Variants in LRRC4C observed in about 807,000 individuals in gnomAD.
LRRC4C encodes the protein leucine-rich repeat-containing protein 4C.
LRRC4C carries 5 observed loss-of-function variants against 33.6 expected under a neutral mutation model. That is an observed-to-expected ratio of 0.15 (90% CI 0.08 to 0.31). LRRC4C has a LOEUF of 0.31. LRRC4C is among the 10% of genes least tolerant of loss of function. The pLI is 1.00. For synonymous variants in LRRC4C, 329 were observed against 302.0 expected, an observed-to-expected ratio of 1.09 and a Z score of -0.93; for missense variants, 560 against 796.7, an observed-to-expected ratio of 0.70 and a Z score of 3.58.
At chr11:40,795,280 G>A (rs778077987) in intron 2 of LRRC4C, among the ~76,000 whole-genome samples, 5 of 152,198 alleles carry the variant, frequency 3.3e-5, no homozygotes, top group African/African-American at 9.6e-5. Flanking sequence ...TGTAATCCTA[G>A]CACTTTGGGA....
rs78129295 is a variant in LRRC4C at position 40,979,109 on chromosome 11, A to G, written c.-495-45386T>C. 5.2e-4 allele frequency among the ~76,000 whole-genome samples: 79 copies of G among 152,246 alleles called. No individual in the cohort carries two copies. In the East Asian group the frequency reaches 0.015, roughly 29 times the overall value. On this transcript the variant is annotated intron_variant, in intron 1 of 6. Coordinates refer to ENST00000528697, the MANE Select transcript of LRRC4C (RefSeq NM_001258419.2). ...CAACTATCCCTCAATCTTACTTCTT[A>G]GCTTAGTAACTTAGAAAAGCTTTTC...
intron 1 of LRRC4C, among the ~76,000 whole-genome samples, chr11:41,172,735 A>T (rs184222571): frequency 6.6e-6 from 1 of 152,306 alleles, no homozygotes; most frequent in Admixed American, 6.5e-5. Context: ...TATTCCTTGC[A>T]CTTAACACAA....
intron 1 of LRRC4C, among the ~76,000 whole-genome samples, chr11:40,949,473 C>T (rs1353828037): frequency 3.9e-5 from 6 of 152,006 alleles, no homozygotes; most frequent in African/African-American, 1.4e-4. Context: ...AGAGAAAGGT[C>T]AGGTTACCCA....
chr11:40,528,625 A>G lies in LRRC4C; in HGVS notation c.-270+119517T>C, dbSNP rs545709178. Among the ~76,000 whole-genome samples, 8 of 152,292 alleles carry G rather than the reference A, an allele frequency of 5.3e-5. No homozygotes were observed. The East Asian group carries it at 9.6e-4, about 18-fold the overall frequency. ...AATAGAACTACCATATGATACAGCA[A>G]TCTTAATTCTGAGTATATACCCAAA... On this transcript the variant is annotated intron_variant, in intron 3 of 6. Coordinates refer to ENST00000528697, the MANE Select transcript of LRRC4C (RefSeq NM_001258419.2).
intron 2 of LRRC4C, among the ~76,000 whole-genome samples, chr11:40,654,826 C>T (rs188301782): frequency 7.2e-5 from 11 of 152,256 alleles, no homozygotes; most frequent in East Asian, 1.9e-4. Flanking sequence ...ATAATACCCA[C>T]GTGTCAAAGA....
chr11:40,582,631 C>T (rs1481141897), intron 3 of LRRC4C, among the ~76,000 whole-genome samples: 1 of 151,432 alleles, frequency 6.6e-6, no homozygotes, highest in East Asian at 2.0e-4. Flanking sequence ...ATTCTCCTGC[C>T]TCAGCCTCCC....
intron 4 of LRRC4C, among the ~76,000 whole-genome samples, chr11:40,243,693 T>C (rs1019676040): frequency 1.4e-5 from 2 of 145,708 alleles, no homozygotes; most frequent in Non-Finnish European, 3.0e-5. Context: ...ATATCTTTTT[T>C]TTTTTTTTTT....
chr11:40,528,972 C>T (rs555486585), intron 3 of LRRC4C, among the ~76,000 whole-genome samples: 2 of 152,080 alleles, frequency 1.3e-5, no homozygotes, highest in South Asian at 2.1e-4. Context: ...ATATAGGTTA[C>T]CAGTGTCAGG....
chr11:41,424,828 T>C (rs996396940), intron 1 of LRRC4C, among the ~76,000 whole-genome samples: 5 of 152,126 alleles, frequency 3.3e-5, no homozygotes, highest in Non-Finnish European at 5.9e-5. Context: ...CCCCAAGGAA[T>C]ATAGATACTT....
rs557131538 is a variant in LRRC4C, at chr11:41,296,184, A to G, written c.-496+163247T>C. ...ACAGAATCTCAGTGCTCAGAAACCA[A>G]TATTGCATTGCAGAACAGTGTACTT... is the stretch of plus-strand genomic sequence containing the variant. On this transcript the variant is annotated intron_variant, in intron 1 of 6. Transcript: ENST00000528697. Among the ~76,000 whole-genome samples the G allele has an allele frequency of 3.9e-5, 6 of 152,312 alleles. No homozygotes were observed. The South Asian group carries it at 1.2e-3, about 32-fold the overall frequency.
intron 1 of LRRC4C, among the ~76,000 whole-genome samples, chr11:41,374,381 A>T (rs895868594): frequency 6.6e-6 from 1 of 152,198 alleles, no homozygotes; most frequent in Non-Finnish European, 1.5e-5. Context: ...ATTAAAAAAA[A>T]ACTTTTGTTC....
At chr11:40,607,499 G>A (rs185495131) in intron 3 of LRRC4C, among the ~76,000 whole-genome samples, 2 of 152,220 alleles carry the variant, frequency 1.3e-5, no homozygotes, top group Admixed American at 1.3e-4. Flanking sequence ...ATGCTGGCAG[G>A]TCATCAAAGG....
At chr11:41,357,591 A>C (rs78746901) in intron 1 of LRRC4C, among the ~76,000 whole-genome samples, 2,948 of 152,156 alleles carry the variant, frequency 0.019, 92 homozygotes, top group African/African-American at 0.068. Context: ...CTACTTTCCT[A>C]ACGTCCTTGT....
At chr11:40,558,883 G>C (rs1367624454) in intron 3 of LRRC4C, among the ~76,000 whole-genome samples, 1 of 151,998 alleles carries the variant, frequency 6.6e-6, no homozygotes, top group Non-Finnish European at 1.5e-5. Context: ...GTAGACCCCA[G>C]TGTCTGTTGT....
At chr11:40,429,592 G>A (rs1454175719) in intron 3 of LRRC4C, among the ~76,000 whole-genome samples, 3 of 149,692 alleles carry the variant, frequency 2.0e-5, no homozygotes, top group Non-Finnish European at 2.9e-5. Flanking sequence ...AACAAAACAT[G>A]TAAGGGTATG....
chr11:40,399,130 A>G (rs1217380994), intron 3 of LRRC4C, among the ~76,000 whole-genome samples: 1 of 152,136 alleles, frequency 6.6e-6, no homozygotes, highest in Non-Finnish European at 1.5e-5. Context: ...AGAGTTAGAA[A>G]GAACCAATAG....
chr11:41,262,781 G>A (rs1047239946), intron 1 of LRRC4C, among the ~76,000 whole-genome samples: 1 of 152,010 alleles, frequency 6.6e-6, no homozygotes, highest in Admixed American at 6.6e-5. Context: ...AGGTCTATTA[G>A]CAAGAATAAA....
chr11:40,330,133 A>G (rs1271396367), intron 3 of LRRC4C, among the ~76,000 whole-genome samples: 1 of 152,146 alleles, frequency 6.6e-6, no homozygotes, highest in Admixed American at 6.5e-5. Context: ...AGGTAGTCAA[A>G]TTATGAATCT....
chr11:41,008,542 C>T (rs2137490626), intron 1 of LRRC4C, among the ~76,000 whole-genome samples: 1 of 152,302 alleles, frequency 6.6e-6, no homozygotes, highest in Non-Finnish European at 1.5e-5. Context: ...AGACCTCCTT[C>T]TCAGTTTTAA....
Sources: allele counts gnomAD v4.1 joint callset (sites outside exome capture counted in the v4.1 genomes callset), GRCh38; gene constraint gnomAD v4.1.1; transcripts MANE v1.5; gene names NCBI Gene and HGNC (gene_info 2026-07-23, HGNC 2026-07-21).